The following MYORG variants were observed in gnomAD, a reference collection of about 807,000 sequenced individuals.
MYORG encodes the protein myogenesis regulating glycosidase.
A neutral mutation model predicts 49.8 loss-of-function variants in MYORG; 45 were observed. That is an observed-to-expected ratio of 0.90 (90% CI 0.71 to 1.16). The LOEUF (loss-of-function observed/expected upper bound fraction) is 1.16, where lower values mean the gene tolerates loss of function less well. Ranked by LOEUF, MYORG falls within the 50% of genes most tolerant of loss-of-function variation. The pLI, the probability that MYORG is intolerant of heterozygous loss-of-function variation, is 0.00. For missense variants in MYORG, 1,110 were observed against 1,026.5 expected, an observed-to-expected ratio of 1.08 and a Z score of -1.11; for synonymous variants, 552 against 462.9, an observed-to-expected ratio of 1.19 and a Z score of -2.47.
rs776672169 is a variant in MYORG, at chr9:34,371,237, G to C, written c.1707C>G (p.Pro569=). The part of the protein sequence containing the change: ...VPQRTAGGDV[P]ERELYIRWLE... Reference sequence around the variant, plus strand: ...GCCAGCGAATGTAGAGCTCGCGCTCGGGCACATCGCCGCCGGCTGTCCGCT... The same window carrying C: ...GCCAGCGAATGTAGAGCTCGCGCTCCGGCACATCGCCGCCGGCTGTCCGCT... The change falls in exon 2 of 2, where the codon CCC becomes CCG. Residue 569 remains proline, a synonymous_variant. Transcript: ENST00000297625. 5 of 1,608,526 alleles carry C rather than the reference G, an allele frequency of 3.1e-6. No homozygotes were observed. The highest frequency in any genetic ancestry group is 1.3e-5 in the African/African-American group (1 of 74,726).
intron 1 of MYORG, among the ~76,000 whole-genome samples, chr9:34,375,287 A>G (rs1292274114): frequency 3.3e-5 from 5 of 152,192 alleles, no homozygotes; most frequent in East Asian, 1.9e-4. Context: ...AGCTCCTCCC[A>G]TAGGCACTTC....
Position 34,371,690 on chromosome 9 carries a change from C to A in MYORG, c.1254G>T (p.Arg418=). ...TCCACCAGCGCACCAGCGCAGGTAACCGGCCCGTGGGTTCGCGCACGAACA... is the reference window on the plus strand; with the variant it reads ...TCCACCAGCGCACCAGCGCAGGTAAACGGCCCGTGGGTTCGCGCACGAACA... ...RELFVREPTG[R]LPALVRWWNG... is the part of the protein sequence containing the mutation. Residue 418 remains arginine (R), a synonymous_variant, in exon 2 of 2, where the codon CGG becomes CGT. Coordinates refer to ENST00000297625, the MANE Select transcript of MYORG (RefSeq NM_020702.5). 6.2e-7 allele frequency: 1 copy of A among 1,610,152 alleles called. No individual in the cohort carries two copies. Among genetic ancestry groups the A allele is most frequent in the African/African-American group, 1.3e-5 (1 of 75,004 alleles).
chr9:34,376,201 A>G lies in MYORG; in HGVS notation c.-64+592T>C, dbSNP rs765350236. Among the ~76,000 whole-genome samples the G allele has an allele frequency of 6.6e-6, 1 of 152,178 alleles. No individual in the cohort carries two copies. The highest frequency in any genetic ancestry group is 1.5e-5 in the Non-Finnish European group (1 of 68,024). The stretch of plus-strand genomic sequence containing the variant: ...CTCCACGCGGACCACGAAGACCACG[A>G]GGGCAGCAAAGAGGGCAATTTTAAT... On this transcript the variant is annotated intron_variant, in intron 1 of 1. Transcript: ENST00000297625. The surrounding 1 kb of genome is among the most constrained non-coding windows in gnomAD (Gnocchi z 4.4).
intron 1 of MYORG, among the ~76,000 whole-genome samples, chr9:34,374,194 G>A (rs547198545): frequency 1.3e-5 from 2 of 152,084 alleles, no homozygotes; most frequent in African/African-American, 2.4e-5. Flanking sequence ...ATTACCAAAC[G>A]CTTCCCCCAA....
At position 34,372,404 on chromosome 9, in the gene MYORG, G is replaced by C. The variant is rs774842324; in HGVS notation, c.540C>G (p.Asp180Glu). The C allele has an allele frequency of 1.9e-6, 3 of 1,583,814 alleles. No individual in the cohort carries two copies. Among genetic ancestry groups the C allele is most frequent in the Non-Finnish European group, 1.7e-6 (2 of 1,166,228 alleles). Residue 180 changes from aspartate to glutamate, a missense_variant, in exon 2 of 2, where the codon GAC becomes GAG. Transcript: ENST00000297625. ...RAVEHAMFLG[D>E]AAAHWYGGAE... Reference sequence around the variant, plus strand: ...CGCCACCATACCAGTGGGCCGCCGCGTCGCCCAAGAACATGGCGTGCTCCA... The same window carrying C: ...CGCCACCATACCAGTGGGCCGCCGCCTCGCCCAAGAACATGGCGTGCTCCA...
Position 34,371,528 on chromosome 9 carries a change from C to T in MYORG, c.1416G>A (p.Arg472=), listed in dbSNP as rs1294389638. The T allele has an allele frequency of 6.2e-7, 1 of 1,607,694 alleles. No homozygotes were observed. Among genetic ancestry groups the T allele is most frequent in the Non-Finnish European group, 8.5e-7 (1 of 1,179,406 alleles). The change falls in exon 2 of 2, where the codon CGG becomes CGA. Residue 472 remains arginine, a synonymous_variant. Transcript: ENST00000297625. ...FDAGEVSYLP[R]DFSTYRPLPD... ...GCAGCGGCCGGTAGGTGCTGAAGTC[C>T]CGCGGCAGGTAGCTGACCTCGCCCG... is the stretch of plus-strand genomic sequence containing the variant.
At position 34,372,595 on chromosome 9, in the gene MYORG, AGCGGAAGGCCAG is replaced by A; in HGVS notation, c.337_348del (p.Leu113_Arg116del). Reference sequence around the variant, plus strand: ...CAGGAGTCAAGGTCCAGCGCGCCGGAGCGGAAGGCCAGGCGGAAGACCTGCTCTCCCTTCTGA... The same window carrying A: ...CAGGAGTCAAGGTCCAGCGCGCCGGAGCGGAAGACCTGCTCTCCCTTCTGA... On this transcript the variant is annotated inframe_deletion, in exon 2 of 2. Transcript: ENST00000297625. 1 of 1,604,148 alleles carries A rather than the reference AGCGGAAGGCCAG, an allele frequency of 6.2e-7. No individual in the cohort carries two copies. Among genetic ancestry groups the A allele is most frequent in the Non-Finnish European group, 8.5e-7 (1 of 1,175,796 alleles).
rs767235933 is a variant in MYORG, at chr9:34,372,593, G to A, written c.351C>T (p.Ser117=). The change falls in exon 2 of 2, where the codon TCC becomes TCT. Residue 117 remains serine, a synonymous_variant. Transcript: ENST00000297625. ...TGCAGGAGTCAAGGTCCAGCGCGCC[G>A]GAGCGGAAGGCCAGGCGGAAGACCT... ...GEQVFRLAFR[S]GALDLDSCSR... 10 of 1,603,310 alleles carry A rather than the reference G, an allele frequency of 6.2e-6. No individual in the cohort carries two copies. Among genetic ancestry groups the A allele is most frequent in the South Asian group, 1.1e-5 (1 of 89,478 alleles).
chr9:34,371,345 T>G lies in MYORG; in HGVS notation c.1599A>C (p.Ser533=). 6.2e-7 allele frequency: 1 copy of G among 1,612,694 alleles called. No individual in the cohort carries two copies. The highest frequency in any genetic ancestry group is 1.1e-5 in the South Asian group (1 of 90,944). Residue 533 remains serine (S), a synonymous_variant, in exon 2 of 2, where the codon TCA becomes TCC. Coordinates refer to ENST00000297625, the MANE Select transcript of MYORG (RefSeq NM_020702.5). ...TGACGGTGAGCACCGCGGGGATGAG[T>G]GAGCGCAACCCCAGGTCGTAGCCCC... ...SVWGYDLGLR[S]LIPAVLTVSM... is the part of the protein sequence containing the mutation.
rs997291073 is a variant in MYORG at position 34,370,554 on chromosome 9, G to C, written c.*245C>G. The C allele has an allele frequency of 3.6e-6, 2 of 553,758 alleles. No homozygotes were observed. Among genetic ancestry groups the C allele is most frequent in the South Asian group, 4.7e-5 (1 of 21,458 alleles). The allele number at this position is 553,758 out of a possible 1,614,324, so 34.3% of individuals were successfully genotyped here. ...CCACCCCAGGGAAGAGGTTTCTGCAGATTGGTGTGAGTGTGGGGGTGGAAA... is the reference window on the plus strand; with the variant it reads ...CCACCCCAGGGAAGAGGTTTCTGCACATTGGTGTGAGTGTGGGGGTGGAAA... On this transcript the variant is annotated 3_prime_UTR_variant, in exon 2 of 2. Coordinates refer to ENST00000297625, the MANE Select transcript of MYORG (RefSeq NM_020702.5).
Position 34,371,505 on chromosome 9 carries a change from A to C in MYORG, c.1439T>G (p.Leu480Arg). 1.9e-6 allele frequency: 3 copies of C among 1,609,970 alleles called. No individual in the cohort carries two copies. The South Asian group carries it at 3.3e-5, about 18-fold the overall frequency. ...CCGGCTCCAGACGCTGGGGTCCGGC[A>C]GCGGCCGGTAGGTGCTGAAGTCCCG... Reference protein sequence around the residue: ...LPRDFSTYRPLPDPSVWSRRY... With the variant: ...LPRDFSTYRPRPDPSVWSRRY... The change falls in exon 2 of 2, where the codon CTG (leucine) becomes CGG (arginine). Residue 480 changes from leucine to arginine, a missense_variant. By Grantham distance (102) the Leu-to-Arg change is moderately radical (BLOSUM62 -2). Coordinates refer to ENST00000297625, the MANE Select transcript of MYORG (RefSeq NM_020702.5).
chr9:34,371,557 C>G lies in MYORG; in HGVS notation c.1387G>C (p.Asp463His). ...SRYSVASFKF[D>H]AGEVSYLPRD... is the part of the protein sequence containing the mutation. ...GGCAGGTAGCTGACCTCGCCCGCGT[C>G]GAACTTGAAGGAAGCCACGGAGTAG... is the stretch of plus-strand genomic sequence containing the variant. Residue 463 changes from aspartate (D) to histidine (H), a missense_variant, in exon 2 of 2, where the codon GAC (aspartate) becomes CAC (histidine). Coordinates refer to ENST00000297625, the MANE Select transcript of MYORG (RefSeq NM_020702.5). The G allele has an allele frequency of 6.2e-7, 1 of 1,605,188 alleles. No individual in the cohort carries two copies. The highest frequency in any genetic ancestry group is 8.5e-7 in the Non-Finnish European group (1 of 1,179,124).
rs1240504617 is a variant in MYORG, at chr9:34,371,733, T to C, written c.1211A>G (p.Glu404Gly). 1.9e-6 allele frequency: 3 copies of C among 1,612,456 alleles called. No individual in the cohort carries two copies. The highest frequency in any genetic ancestry group is 2.5e-6 in the Non-Finnish European group (3 of 1,179,370). ...FVNYNSSRFG[E>G]GVERELFVRE... is the part of the protein sequence containing the mutation. Reference sequence around the variant, plus strand: ...CACGAACAGCTCGCGCTCCACGCCCTCGCCGAAGCGCGACGAGTTGTAGTT... The same window carrying C: ...CACGAACAGCTCGCGCTCCACGCCCCCGCCGAAGCGCGACGAGTTGTAGTT... The change falls in exon 2 of 2, where the codon GAG (glutamate) becomes GGG (glycine). Residue 404 changes from glutamate (E) to glycine (G), a missense_variant. Transcript: ENST00000297625.
chr9:34,373,075 C>T, intron 1 of MYORG, 69 bp from the exon 2 acceptor site: 1 of 1,150,036 alleles, frequency 8.7e-7, no homozygotes, highest in Non-Finnish European at 1.2e-6. Context: ...CTGCCGCAAG[C>T]TAAGAGGAGG....
In MYORG at chr9:34,367,694, A is replaced by G. The variant is rs1820521525; in HGVS notation, c.*3105T>C. Reference sequence around the variant, plus strand: ...GAGGTGGGTTCCCATGGTCTTGGGCAGCTCCACCCCTATGGCATTGCAGGG... The same window carrying G: ...GAGGTGGGTTCCCATGGTCTTGGGCGGCTCCACCCCTATGGCATTGCAGGG... On this transcript the variant is annotated 3_prime_UTR_variant, in exon 2 of 2. Coordinates refer to ENST00000297625, the MANE Select transcript of MYORG (RefSeq NM_020702.5). 1 of 152,186 alleles carries G rather than the reference A, an allele frequency of 6.6e-6. No homozygotes were observed. 9.4% of individuals were successfully genotyped at this position (152,186 alleles called of 1,614,324 possible).
At position 34,372,098 on chromosome 9, in the gene MYORG, T is replaced by G. The variant is rs745714291; in HGVS notation, c.846A>C (p.Arg282=). The change falls in exon 2 of 2, where the codon CGA becomes CGC. Residue 282 remains arginine (R), a synonymous_variant. Coordinates refer to ENST00000297625, the MANE Select transcript of MYORG (RefSeq NM_020702.5). ...AGGTGACGTCTGAGCCCACGCACACTCGGTAGCTCAGCTCTGGCGCTGCGG... is the reference window on the plus strand; with the variant it reads ...AGGTGACGTCTGAGCCCACGCACACGCGGTAGCTCAGCTCTGGCGCTGCGG... The part of the protein sequence containing the change: ...GRAAAPELSY[R]VCVGSDVTSI... The G allele has an allele frequency of 2.5e-6, 4 of 1,613,224 alleles. No individual in the cohort carries two copies. The highest frequency in any genetic ancestry group is 1.6e-4 in the Middle Eastern group (1 of 6,062).
chr9:34,375,110 A>G (rs1040755583), intron 1 of MYORG, among the ~76,000 whole-genome samples: 2 of 152,138 alleles, frequency 1.3e-5, no homozygotes, highest in African/African-American at 4.8e-5. Context: ...TCGGGGGAAG[A>G]AGAGAAGGAG....
intron 1 of MYORG, 68 bp from the exon 2 acceptor site, chr9:34,373,074 G>T: frequency 8.7e-7 from 1 of 1,148,414 alleles, no homozygotes; most frequent in Non-Finnish European, 1.2e-6. Context: ...GCTGCCGCAA[G>T]CTAAGAGGAG....
intron 1 of MYORG, among the ~76,000 whole-genome samples, chr9:34,373,970 A>T (rs1820682600): frequency 6.6e-6 from 1 of 152,340 alleles, no homozygotes; most frequent in Middle Eastern, 3.4e-3. Context: ...CTGGGGCAGG[A>T]GCCTGGCATG....
Sources: allele counts gnomAD v4.1 joint callset (sites outside exome capture counted in the v4.1 genomes callset), GRCh38; gene constraint gnomAD v4.1.1; non-coding constraint Gnocchi (gnomAD v3.1); transcripts MANE v1.5; gene names NCBI Gene and HGNC (gene_info 2026-07-23, HGNC 2026-07-21).